Variants in TFIP11 observed in about 807,000 individuals in gnomAD.
The protein encoded by TFIP11 is tuftelin-interacting protein 11.
Under a neutral mutation model 96.8 loss-of-function variants are expected in TFIP11, and 86 were observed. That is an observed-to-expected ratio of 0.89 (90% CI 0.75 to 1.06). TFIP11 has a LOEUF of 1.06. Among genes scored for constraint, TFIP11 ranks in the 50% least tolerant of loss-of-function variants. The pLI, the probability that TFIP11 is intolerant of heterozygous loss-of-function variation, is 0.00. For synonymous variants in TFIP11, 405 were observed against 395.2 expected, an observed-to-expected ratio of 1.02 and a Z score of -0.29; for missense variants, 881 against 1,076.7, an observed-to-expected ratio of 0.82 and a Z score of 2.54.
chr22:26,495,177 G>A (rs527307470), intron 12 of TFIP11, among the ~76,000 whole-genome samples: 1 of 150,528 alleles, frequency 6.6e-6, no homozygotes, highest in East Asian at 1.9e-4. Context: ...GCCCAGGCTG[G>A]TCTCAAACTC....
intron 13 of TFIP11, 177 bp from the exon 14 acceptor site, chr22:26,494,481 G>A (rs1320129043): frequency 1.0e-5 from 8 of 792,204 alleles, no homozygotes; most frequent in South Asian, 1.8e-5. Flanking sequence ...AGTCAGCCTG[G>A]TAGCTAAAGT....
rs113203306 is a variant in TFIP11, at chr22:26,506,869, G to A, written c.269C>T (p.Ala90Val). The A allele has an allele frequency of 7.8e-5, 126 of 1,614,042 alleles. No homozygotes were observed. In the East Asian group the frequency reaches 2.2e-3, roughly 28 times the overall value. ...FISAGLKKGA[A>V]EEAELEDSDD... The stretch of plus-strand genomic sequence containing the variant: ...AGAATCTTCCAACTCTGCCTCCTCC[G>A]CTGCCCCTTTCTTGAGCCCTGCGCT... The change falls in exon 5 of 15, where the codon GCG becomes GTG. Residue 90 changes from alanine (A) to valine (V), a missense_variant. By Grantham distance (64) the Ala-to-Val change is moderately conservative (BLOSUM62 0). Coordinates refer to ENST00000407690, the MANE Select transcript of TFIP11 (RefSeq NM_012143.4).
rs139526968 is a variant in TFIP11 at position 26,506,422 on chromosome 22, C to T, written c.401G>A (p.Gly134Glu). 1.0e-4 allele frequency: 163 copies of T among 1,612,954 alleles called. No homozygotes were observed. Among genetic ancestry groups the T allele is most frequent in the Admixed American group, 1.2e-4 (7 of 59,662 alleles). The change falls in exon 6 of 15, where the codon GGA (glycine) becomes GAA (glutamate). Residue 134 changes from glycine (G) to glutamate (E), a missense_variant. By Grantham distance (98) the Gly-to-Glu change is moderately conservative. Transcript: ENST00000407690. ...NFKPSQKGFAGGTKSFMDFGS... is the reference protein window; with the variant it reads ...NFKPSQKGFAEGTKSFMDFGS... ...GAAGTCCATGAAAGATTTGGTTCCT[C>T]CTGCAAAACCTTTCTGGCTGGGCTT...
Position 26,499,253 on chromosome 22 carries a change from G to T in TFIP11, c.1180C>A (p.Pro394Thr), listed in dbSNP as rs776931738. ...CGGGCACACTCGTCCAGGGTGAGGG[G>T]GTTGCTGCAGTCGGGCTGCATCCGC... ...ERRMQPDCSN[P>T]LTLDECARIF... The change falls in exon 9 of 15, where the codon CCC (proline) becomes ACC (threonine). Residue 394 changes from proline to threonine, a missense_variant. Pro to Thr is a conservative substitution (Grantham distance 38). Transcript: ENST00000407690. 7 of 1,613,816 alleles carry T rather than the reference G, an allele frequency of 4.3e-6. No individual in the cohort carries two copies. The South Asian group carries it at 4.4e-5, about 10-fold the overall frequency.
At chr22:26,495,007 A>G in intron 12 of TFIP11, 68 bp from the exon 13 acceptor site, 1 of 1,597,430 alleles carries the variant, frequency 6.3e-7, no homozygotes, top group East Asian at 2.2e-5. Context: ...CACAAAGAGC[A>G]AAGACAATGT....
At chr22:26,496,602 T>C in intron 11 of TFIP11, 119 bp downstream of exon 11, 6 of 1,304,462 alleles carry the variant, frequency 4.6e-6, no homozygotes, top group Non-Finnish European at 6.4e-6. Flanking sequence ...AGGTCAATAG[T>C]TGTGTTGACA....
intron 8 of TFIP11, among the ~76,000 whole-genome samples, chr22:26,500,269 A>C (rs1434448547): frequency 6.6e-6 from 1 of 152,088 alleles, no homozygotes; most frequent in African/African-American, 2.4e-5. Context: ...TCCTGGGTTT[A>C]AGCCATTCTC....
chr22:26,503,591 G>GAATGAAGGGATA, intron 7 of TFIP11, 75 bp downstream of exon 7: 1 of 1,570,180 alleles, frequency 6.4e-7, no homozygotes, highest in Non-Finnish European at 8.7e-7. Context: ...AGGACTAACA[G>GAATGAAGGGATA]AATGAAGGGA....
chr22:26,498,820 C>G, intron 10 of TFIP11, 49 bp downstream of exon 10: 1 of 1,479,242 alleles, frequency 6.8e-7, no homozygotes, highest in Non-Finnish European at 9.4e-7. Flanking sequence ...TCCTTCCCAA[C>G]CCCCCAGGAG....
At position 26,506,078 on chromosome 22, in the gene TFIP11, G is replaced by A. The variant is rs1473938858; in HGVS notation, c.520+225C>T. 6 of 410,634 alleles carry A rather than the reference G, an allele frequency of 1.5e-5. No homozygotes were observed. In the East Asian group the frequency reaches 2.3e-4, roughly 15 times the overall value. 25.4% of individuals were successfully genotyped at this position (410,634 alleles called of 1,614,324 possible). On this transcript the variant is annotated intron_variant, in intron 6 of 14. Coordinates refer to ENST00000407690, the MANE Select transcript of TFIP11 (RefSeq NM_012143.4). ...AAAGCCTGTTTTCAACCTGTTTGCA[G>A]CCTGTTTTAGACCCTAACCCTTTCC...
At chr22:26,493,787 C>T (rs961682724) in intron 14 of TFIP11, 1 of 257,780 alleles carries the variant, frequency 3.9e-6, no homozygotes, top group Non-Finnish European at 7.7e-6. Context: ...AAACTCCACA[C>T]TGTAAGATGC....
chr22:26,494,740 T>C, intron 13 of TFIP11, 57 bp downstream of exon 13: 2 of 1,609,518 alleles, frequency 1.2e-6, no homozygotes, highest in African/African-American at 1.3e-5. Flanking sequence ...TGGCAGAAAA[T>C]TAACTTAATC....
At chr22:26,495,343 T>A (rs1429822880) in intron 12 of TFIP11, among the ~76,000 whole-genome samples, 1 of 130,592 alleles carries the variant, frequency 7.7e-6, no homozygotes, top group Non-Finnish European at 1.6e-5. Flanking sequence ...CAATGGCAGA[T>A]CTTGGCTCAC....
In TFIP11 at chr22:26,499,201, T is replaced by C. The variant is rs1922439915; in HGVS notation, c.1232A>G (p.Tyr411Cys). The C allele has an allele frequency of 6.2e-7, 1 of 1,613,638 alleles. No homozygotes were observed. Among genetic ancestry groups the C allele is most frequent in the African/African-American group, 1.3e-5 (1 of 74,934 alleles). Residue 411 changes from tyrosine (Y) to cysteine (C), a missense_variant, in exon 9 of 15, where the codon TAC becomes TGC. Transcript: ENST00000407690. Reference sequence around the variant, plus strand: ...GTCGGACATCCTGTACTCCTCATAGTACTTGTCCTGCAGGGTTTCGAAGAT... The same window carrying C: ...GTCGGACATCCTGTACTCCTCATAGCACTTGTCCTGCAGGGTTTCGAAGAT... ...ARIFETLQDK[Y>C]YEEYRMSDRV...
chr22:26,501,822 T>TAA, intron 8 of TFIP11, 78 bp downstream of exon 8: 1 of 525,350 alleles, frequency 1.9e-6, no homozygotes. Flanking sequence ...AGCTAAAAGA[T>TAA]CCAAAAAACC....
chr22:26,506,954 C>T (rs1000331793), intron 4 of TFIP11, 26 bp from the exon 5 acceptor site: 1 of 1,610,526 alleles, frequency 6.2e-7, no homozygotes, highest in Non-Finnish European at 8.5e-7. Context: ...CAAAGCCCCA[C>T]CAGGTCGGTA....
At chr22:26,510,497 T>A (rs1048473305) in intron 3 of TFIP11, 120 bp downstream of exon 3, 2 of 551,710 alleles carry the variant, frequency 3.6e-6, no homozygotes, top group African/African-American at 3.8e-5. Flanking sequence ...CTCCTAACAG[T>A]CTATGATTCT....
chr22:26,507,005 C>T (rs888288294), intron 4 of TFIP11, 77 bp from the exon 5 acceptor site: 57 of 1,535,482 alleles, frequency 3.7e-5, no homozygotes, highest in South Asian at 3.1e-4. Context: ...GCAGAAACTA[C>T]GTGCTTGAAG....
At chr22:26,496,624 T>G in intron 11 of TFIP11, 97 bp downstream of exon 11, 1 of 1,438,358 alleles carries the variant, frequency 7.0e-7, no homozygotes, top group South Asian at 1.3e-5. Flanking sequence ...ATTCCGTTAA[T>G]TCCAGGCGTT....
Sources: gnomAD v4.1 joint callset for allele counts (sites outside exome capture counted in the v4.1 genomes callset) on GRCh38, gnomAD v4.1.1 for gene constraint, MANE v1.5 for transcripts, NCBI Gene and HGNC (gene_info 2026-07-23, HGNC 2026-07-21) for gene names.